The following MAGT1 variants were observed in gnomAD, a reference collection of about 807,000 sequenced individuals.
MAGT1 encodes magnesium transporter 1.
In MAGT1, 4 loss-of-function variants were observed where a neutral mutation model predicts 28.4. The observed-to-expected ratio is 0.14, with a 90% CI of 0.07 to 0.32. The LOEUF (loss-of-function observed/expected upper bound fraction) is 0.32. Among genes scored for constraint, MAGT1 ranks in the 10% least tolerant of loss-of-function variants. MAGT1 has a pLI of 1.00. For missense variants in MAGT1, 193 were observed against 264.5 expected (o/e 0.73, Z 1.88); for synonymous variants, 89 against 89.7 (o/e 0.99, Z 0.04).
At chrX:77,890,620 C>A (rs2077079623) in intron 1 of MAGT1, among the ~76,000 whole-genome samples, 1 of 112,059 alleles carries the variant, frequency 8.9e-6, no homozygotes, top group African/African-American at 3.2e-5. Context: ...CAATGATAGC[C>A]TGCCTTGTTA....
chrX:77,829,206 T>A lies in MAGT1; in HGVS notation c.*14A>T. The A allele has an allele frequency of 8.4e-7, 1 of 1,195,760 alleles. No homozygotes were observed. The highest frequency in any genetic ancestry group is 1.1e-6 in the Non-Finnish European group (1 of 882,538). ...TTTCCAGTACTCCAGTGTCTATATA[T>A]CTCTGGGACCTTTTTAACTCATCAG... is the stretch of plus-strand genomic sequence containing the variant. On this transcript the variant is annotated 3_prime_UTR_variant, in exon 10 of 10. Transcript: ENST00000618282.
chrX:77,884,925 G>A (rs1557218849), intron 1 of MAGT1, among the ~76,000 whole-genome samples: 2 of 109,007 alleles, frequency 1.8e-5, no homozygotes, highest in African/African-American at 6.7e-5. Flanking sequence ...AGCCGGGCGC[G>A]GTGGCGGGTG....
At chrX:77,839,116 A>C (rs1437728826) in intron 8 of MAGT1, among the ~76,000 whole-genome samples, 2 of 108,365 alleles carry the variant, frequency 1.8e-5, no homozygotes, top group Non-Finnish European at 3.8e-5. Context: ...ATCCTGGCTA[A>C]CACAGTGAAA....
chrX:77,863,049 C>T lies in MAGT1; in HGVS notation c.391-5552G>A, dbSNP rs1239068135. ...GGGTGTGGTGATGTGCGCCTGTAAT[C>T]CCAGCTGCTCAGGATACTGAGGCAG... On this transcript the variant is annotated intron_variant, in intron 3 of 9. Coordinates refer to ENST00000618282, the MANE Select transcript of MAGT1 (RefSeq NM_001367916.1). Among the ~76,000 whole-genome samples the T allele has an allele frequency of 3.6e-5, 4 of 109,681 alleles. No individual in the cohort carries two copies. In the South Asian group the frequency reaches 1.2e-3, roughly 32 times the overall value.
chrX:77,832,822 C>CA (rs72197791), intron 8 of MAGT1, among the ~76,000 whole-genome samples: 927 of 32,362 alleles, frequency 0.029, 67 homozygotes, highest in African/African-American at 0.084. Flanking sequence ...GCCTCTGTCT[C>CA]AAAAAAAAAA....
chrX:77,889,349 C>T (rs782214779), intron 1 of MAGT1, among the ~76,000 whole-genome samples: 13 of 100,898 alleles, frequency 1.3e-4, no homozygotes, highest in African/African-American at 4.7e-4. Context: ...TGTATGTGTA[C>T]ATATATATGT....
intron 1 of MAGT1, among the ~76,000 whole-genome samples, chrX:77,876,164 A>ATATTT (rs1557217807): frequency 8.0e-5 from 2 of 24,973 alleles, no homozygotes; most frequent in African/African-American, 1.5e-4. Context: ...ATATATATAT[A>ATATTT]TTTTTTTTTT....
chrX:77,863,505 C>A, intron 3 of MAGT1, among the ~76,000 whole-genome samples: 1 of 102,282 alleles, frequency 9.8e-6, no homozygotes, highest in Non-Finnish European at 2.0e-5. Context: ...AGGGAGACTC[C>A]GTCTCAAAAA....
intron 3 of MAGT1, among the ~76,000 whole-genome samples, chrX:77,869,723 AC>A (rs1357340636): frequency 1.8e-5 from 2 of 110,759 alleles, no homozygotes; most frequent in Non-Finnish European, 3.8e-5. Context: ...AAAAAAAAAA[AC>A]ACAAAAAACA....
chrX:77,829,620 T>C (rs2076892260), intron 9 of MAGT1, among the ~76,000 whole-genome samples: 1 of 110,970 alleles, frequency 9.0e-6, no homozygotes, highest in Non-Finnish European at 1.9e-5. Context: ...TCAACTCTGC[T>C]GATCAAATAA....
intron 7 of MAGT1, among the ~76,000 whole-genome samples, chrX:77,842,887 G>GCACA (rs1229045366): frequency 2.7e-5 from 3 of 111,781 alleles, no homozygotes; most frequent in Non-Finnish European, 5.6e-5. Flanking sequence ...CTTTTATTCA[G>GCACA]CTTAATAGGA....
At chrX:77,845,808 T>C (rs1209727326) in intron 7 of MAGT1, among the ~76,000 whole-genome samples, 1 of 112,180 alleles carries the variant, frequency 8.9e-6, no homozygotes, top group African/African-American at 3.2e-5. Context: ...AGAGATCAGC[T>C]GTTAGTCTGA....
In MAGT1 at chrX:77,895,314, T is replaced by C. The variant is rs2077095301; in HGVS notation, c.97A>G (p.Lys33Glu). The C allele has an allele frequency of 1.7e-6, 2 of 1,210,531 alleles. No homozygotes were observed. The highest frequency in any genetic ancestry group is 2.2e-6 in the Non-Finnish European group (2 of 895,297). Reference sequence around the variant, plus strand: ...GCTGGAAACCGCGTTCTCACCTCCTTCTTTCTTTGGGCAGAGGCTGAGGGA... The same window carrying C: ...GCTGGAAACCGCGTTCTCACCTCCTCCTTTCTTTGGGCAGAGGCTGAGGGA... The part of the protein sequence containing the change: ...DVPSASAQRK[K>E]EMVLSEKVSQ... The change falls in exon 1 of 10, where the codon AAG becomes GAG. Residue 33 changes from lysine to glutamate, a missense_variant. Physicochemically the swap from Lys to Glu is moderately conservative, Grantham distance 56. Transcript: ENST00000618282.
chrX:77,857,355 A>G lies in MAGT1; in HGVS notation c.531+2T>C. 8.3e-7 allele frequency: 1 copy of G among 1,211,848 alleles called. No individual in the cohort carries two copies. The highest frequency in any genetic ancestry group is 1.1e-6 in the Non-Finnish European group (1 of 895,498). On this transcript the variant is annotated splice_donor_variant, in intron 4 of 9. Coordinates refer to ENST00000618282, the MANE Select transcript of MAGT1 (RefSeq NM_001367916.1). LOFTEE classifies it high-confidence loss of function. ...AACAGTCTACATAGTTGGGAAACTT[A>G]CATTGACATCAGTTCTGTCGGCGAT...
In MAGT1 at chrX:77,834,328, A is replaced by G. The variant is rs782416238; in HGVS notation, c.902-3433T>C. Among the ~76,000 whole-genome samples the G allele has an allele frequency of 1.5e-4, 15 of 102,571 alleles. No individual in the cohort carries two copies. In the South Asian group the frequency reaches 3.1e-3, roughly 21 times the overall value. The allele number at this position is 102,571 out of a possible 115,157, so 89.1% of individuals were successfully genotyped here. On this transcript the variant is annotated intron_variant, in intron 8 of 9. Coordinates refer to ENST00000618282, the MANE Select transcript of MAGT1 (RefSeq NM_001367916.1). Reference sequence around the variant, plus strand: ...CATGTGTGTATATATATGCATATATATATACACACACACACATAAATAAAA... The same window carrying G: ...CATGTGTGTATATATATGCATATATGTATACACACACACACATAAATAAAA...
chrX:77,873,178 A>G (rs1216362302), intron 2 of MAGT1, among the ~76,000 whole-genome samples: 1 of 111,796 alleles, frequency 8.9e-6, no homozygotes, highest in Non-Finnish European at 1.9e-5. Flanking sequence ...TCTTTTATTT[A>G]TTTTTAATTT....
chrX:77,882,776 G>A (rs185564406), intron 1 of MAGT1, among the ~76,000 whole-genome samples: 57 of 108,113 alleles, frequency 5.3e-4, no homozygotes, highest in African/African-American at 1.9e-3. Context: ...AGACCAGCCT[G>A]GTCAACATAG....
intron 1 of MAGT1, among the ~76,000 whole-genome samples, chrX:77,892,375 C>G (rs1284175463): frequency 1.8e-5 from 2 of 111,883 alleles, no homozygotes; most frequent in Non-Finnish European, 3.8e-5. Flanking sequence ...TTAAAGACAG[C>G]CTAAACCATT....
chrX:77,860,323 A>C (rs1214160550), intron 3 of MAGT1, among the ~76,000 whole-genome samples: 3 of 110,114 alleles, frequency 2.7e-5, no homozygotes, highest in African/African-American at 6.6e-5. Context: ...CATGACCTCA[A>C]GTGATCCGCC....
Sources: gnomAD v4.1 joint callset for allele counts (sites outside exome capture counted in the v4.1 genomes callset) on GRCh38, gnomAD v4.1.1 for gene constraint, MANE v1.5 for transcripts, NCBI Gene and HGNC (gene_info 2026-07-23, HGNC 2026-07-21) for gene names.